Variants in CACNA1A observed in about 807,000 individuals in gnomAD.
CACNA1A encodes calcium voltage-gated channel subunit alpha1 A.
A neutral mutation model predicts 262.4 loss-of-function variants in CACNA1A; 57 were observed. The ratio of observed to expected loss-of-function variants is 0.22; its 90% CI spans 0.18 to 0.27. The LOEUF is 0.27. Ranked by LOEUF, CACNA1A falls within the 10% of genes least tolerant of loss-of-function variation. The probability of loss-of-function intolerance (pLI) is 1.00; values close to 1 mark genes in which losing one functional copy is unlikely to be tolerated. For missense variants in CACNA1A, 2,526 were observed against 3,562.8 expected (o/e 0.71, Z 7.41); for synonymous variants, 1,431 against 1,419.3 (o/e 1.01, Z -0.18).
At chr19:13,397,660 G>A (rs1317125761) in intron 3 of CACNA1A, among the ~76,000 whole-genome samples, 1 of 151,768 alleles carries the variant, frequency 6.6e-6, no homozygotes, top group Non-Finnish European at 1.5e-5. Context: ...GAGGACCCAC[G>A]CAAAGACTCA....
rs552392584 is a variant in CACNA1A at position 13,339,604 on chromosome 19, A to G, written c.979-3695T>C. Among the ~76,000 whole-genome samples, 44 of 152,334 alleles carry G rather than the reference A, an allele frequency of 2.9e-4. 1 individual carries two copies. Among genetic ancestry groups the G allele is most frequent in the African/African-American group, 1.1e-3 (44 of 41,580 alleles). On this transcript the variant is annotated intron_variant, in intron 6 of 46. Transcript: ENST00000360228. Reference sequence around the variant, plus strand: ...AACAGAAAGAAACAATAAAGGTCTGAGAAGATGGATATGCTAATTACCCTG... The same window carrying G: ...AACAGAAAGAAACAATAAAGGTCTGGGAAGATGGATATGCTAATTACCCTG...
intron 6 of CACNA1A, among the ~76,000 whole-genome samples, chr19:13,354,228 T>C (rs976927688): frequency 1.3e-5 from 2 of 152,216 alleles, no homozygotes; most frequent in African/African-American, 4.8e-5. Flanking sequence ...TCCAAGATGC[T>C]TGGAGCGACT....
chr19:13,474,748 C>G (rs1346614099), intron 1 of CACNA1A, among the ~76,000 whole-genome samples: 1 of 150,966 alleles, frequency 6.6e-6, no homozygotes, highest in Non-Finnish European at 1.5e-5. Context: ...ACCCAGGAGG[C>G]AGAGGTTGCA....
At chr19:13,293,616 T>A (rs2144924733) in intron 19 of CACNA1A, among the ~76,000 whole-genome samples, 1 of 144,542 alleles carries the variant, frequency 6.9e-6, no homozygotes, top group East Asian at 2.0e-4. Flanking sequence ...CCCGGCTAAT[T>A]TTTTTTTTTT....
At chr19:13,280,357 A>ATTT (rs565586521) in intron 22 of CACNA1A, among the ~76,000 whole-genome samples, 1 of 141,040 alleles carries the variant, frequency 7.1e-6, no homozygotes, top group Non-Finnish European at 1.6e-5. Flanking sequence ...AAAAAAAAAA[A>ATTT]TTTTTTTTTT....
intron 21 of CACNA1A, chr19:13,283,685 G>T: frequency 7.1e-6 from 2 of 283,160 alleles, no homozygotes; most frequent in South Asian, 1.4e-4. Context: ...CTAGGTTGAA[G>T]AAATACGGTC....
rs1394845415 is a variant in CACNA1A, at chr19:13,446,588, C to T, written c.539+6288G>A. Among the ~76,000 whole-genome samples the T allele has an allele frequency of 4.0e-5, 6 of 149,642 alleles. No homozygotes were observed. In the East Asian group the frequency reaches 1.2e-3, roughly 29 times the overall value. On this transcript the variant is annotated intron_variant, in intron 3 of 46. Coordinates refer to ENST00000360228, the MANE Select transcript of CACNA1A (RefSeq NM_001127222.2). The stretch of plus-strand genomic sequence containing the variant: ...TCCCAAATAACTGGGATTACCAGTG[C>T]ACACCACACCACCATGCCAGGCTTT...
chr19:13,417,655 G>A (rs1030169803), intron 3 of CACNA1A, among the ~76,000 whole-genome samples: 6 of 152,056 alleles, frequency 3.9e-5, no homozygotes, highest in Non-Finnish European at 8.8e-5. Flanking sequence ...TTGGGAGACC[G>A]AGGCGGGTGG....
chr19:13,229,409 T>C (rs900120264), intron 36 of CACNA1A, among the ~76,000 whole-genome samples: 1 of 152,054 alleles, frequency 6.6e-6, no homozygotes, highest in Non-Finnish European at 1.5e-5. Context: ...AGCCTCTGAG[T>C]GTCCTTCAAG....
chr19:13,292,812 T>G (rs779129878), intron 19 of CACNA1A, among the ~76,000 whole-genome samples: 1 of 152,184 alleles, frequency 6.6e-6, no homozygotes, highest in Non-Finnish European at 1.5e-5. Context: ...TGCCACTTTT[T>G]TTAAAGCAGA....
intron 1 of CACNA1A, among the ~76,000 whole-genome samples, chr19:13,479,113 G>A (rs1384863969): frequency 6.6e-6 from 1 of 152,220 alleles, no homozygotes; most frequent in African/African-American, 2.4e-5. Flanking sequence ...GGTGGAGGTT[G>A]CAGTGAGCCC....
intron 16 of CACNA1A, 40 bp downstream of exon 16, chr19:13,303,727 G>T: frequency 6.4e-7 from 1 of 1,570,878 alleles, no homozygotes; most frequent in Non-Finnish European, 8.8e-7. Flanking sequence ...CTCTGCCAGA[G>T]GTCCAGGCCT....
chr19:13,343,462 T>C (rs1012462215), intron 6 of CACNA1A, among the ~76,000 whole-genome samples: 1 of 151,998 alleles, frequency 6.6e-6, no homozygotes, highest in Non-Finnish European at 1.5e-5. Context: ...TCTGATTGAC[T>C]CTTTTATGGA....
rs1431054685 is a variant in CACNA1A, at chr19:13,286,546, G to T, written c.3510C>A (p.Ile1170=). The change falls in exon 20 of 47, where the codon ATC becomes ATA. Residue 1170 remains isoleucine (I), a synonymous_variant. Transcript: ENST00000360228. ...ARKPDHTTVD[I]PPACPPPLNH... Reference sequence around the variant, plus strand: ...TGAGGGGGGGTGGGCAGGCTGGGGGGATGTCCACTGTGGTGTGGTCGGGTT... The same window carrying T: ...TGAGGGGGGGTGGGCAGGCTGGGGGTATGTCCACTGTGGTGTGGTCGGGTT... 1 of 1,532,308 alleles carries T rather than the reference G, an allele frequency of 6.5e-7. No homozygotes were observed. Among genetic ancestry groups the T allele is most frequent in the Non-Finnish European group, 8.8e-7 (1 of 1,141,720 alleles). The allele number at this position is 1,532,308 out of a possible 1,614,324, so 94.9% of individuals were successfully genotyped here.
intron 23 of CACNA1A, among the ~76,000 whole-genome samples, 167 bp downstream of exon 23, chr19:13,276,902 G>A (rs954231393): frequency 7.9e-5 from 12 of 151,842 alleles, no homozygotes; most frequent in Non-Finnish European, 1.2e-4. Flanking sequence ...AGTAGAGATG[G>A]GGTTTCACCA....
chr19:13,231,339 G>A (rs1209339351), intron 35 of CACNA1A, among the ~76,000 whole-genome samples: 2 of 152,018 alleles, frequency 1.3e-5, no homozygotes, highest in African/African-American at 4.8e-5. Context: ...AGTCTCAAAT[G>A]GGGGAATTCT....
chr19:13,382,202 G>A lies in CACNA1A; in HGVS notation c.540-10423C>T, dbSNP rs1488395722. Among the ~76,000 whole-genome samples, 6 of 152,256 alleles carry A rather than the reference G, an allele frequency of 3.9e-5. No homozygotes were observed. In the East Asian group the frequency reaches 1.2e-3, roughly 29 times the overall value. ...ATAGAGGAGGCAGGGATGAAAGAGG[G>A]AATGATTACAGCCTGGGGACAGCAT... On this transcript the variant is annotated intron_variant, in intron 3 of 46. Transcript: ENST00000360228.
chr19:13,263,524 CT>C (rs376610260), intron 24 of CACNA1A: 268 of 143,128 alleles, frequency 1.9e-3, no homozygotes, highest in Non-Finnish European at 2.1e-3. Context: ...CCTATGTATT[CT>C]TTTTTTTTTT....
intron 10 of CACNA1A, among the ~76,000 whole-genome samples, chr19:13,318,410 G>A (rs1350968074): frequency 6.6e-6 from 1 of 152,156 alleles, no homozygotes; most frequent in African/African-American, 2.4e-5. Flanking sequence ...GGCAGATCAT[G>A]CATGGCCTGG....
Sources: gnomAD v4.1 joint callset for allele counts (sites outside exome capture counted in the v4.1 genomes callset) on GRCh38, gnomAD v4.1.1 for gene constraint, MANE v1.5 for transcripts, NCBI Gene and HGNC (gene_info 2026-07-23, HGNC 2026-07-21) for gene names.